SMIM3: variants seen among roughly 807,000 people sequenced by gnomAD.
The protein encoded by SMIM3 is small integral membrane protein 3.
Under a neutral mutation model 2.1 loss-of-function variants are expected in SMIM3, and 4 were observed. The ratio of observed to expected loss-of-function variants is 1.89; its 90% CI spans 0.93 to 4.31. The LOEUF is 4.31. Among genes scored for constraint, SMIM3 ranks in the 30% most tolerant of loss-of-function variants. SMIM3 has a pLI of 0.01. For missense variants in SMIM3, 79 were observed against 77.7 expected, an observed-to-expected ratio of 1.02 and a Z score of -0.06; for synonymous variants, 29 against 30.8, an observed-to-expected ratio of 0.94 and a Z score of 0.19.
chr5:150,782,924 C>T (rs1753251135), intron 1 of SMIM3, among the ~76,000 whole-genome samples: 1 of 152,176 alleles, frequency 6.6e-6, no homozygotes, highest in Non-Finnish European at 1.5e-5. Flanking sequence ...TCTCCCTGTG[C>T]TTGCGTTTGA....
At chr5:150,779,087 T>A (rs1753205174) in intron 1 of SMIM3, 115 bp downstream of exon 1, 4 of 437,220 alleles carry the variant, frequency 9.1e-6, no homozygotes, top group Admixed American at 7.9e-5. Flanking sequence ...TTCTTCTTTA[T>A]GTCCGGTCTC....
At chr5:150,794,745 A>AT (rs917916720) in intron 1 of SMIM3, among the ~76,000 whole-genome samples, 2 of 152,196 alleles carry the variant, frequency 1.3e-5, no homozygotes, top group Admixed American at 6.5e-5. Context: ...TGTCTTAGTC[A>AT]TTTTTTAACA....
At chr5:150,780,592 C>T (rs1581619917) in intron 1 of SMIM3, among the ~76,000 whole-genome samples, 3 of 152,002 alleles carry the variant, frequency 2.0e-5, no homozygotes, top group South Asian at 2.1e-4. Flanking sequence ...ACCACTGAGT[C>T]GCGGTGAGGT....
intron 1 of SMIM3, among the ~76,000 whole-genome samples, chr5:150,790,141 G>A (rs1753335302): frequency 1.3e-5 from 2 of 152,100 alleles, no homozygotes; most frequent in African/African-American, 4.8e-5. Flanking sequence ...AAGACCCCCT[G>A]GACCTCAGTT....
At chr5:150,794,861 T>C (rs1175148712) in intron 1 of SMIM3, among the ~76,000 whole-genome samples, 1 of 152,194 alleles carries the variant, frequency 6.6e-6, no homozygotes, top group Non-Finnish European at 1.5e-5. Flanking sequence ...CATAAGTTAC[T>C]GGGGATGGAA....
chr5:150,790,068 G>A (rs1316852868), intron 1 of SMIM3, among the ~76,000 whole-genome samples: 2 of 152,162 alleles, frequency 1.3e-5, no homozygotes, highest in Non-Finnish European at 1.5e-5. Context: ...TAGGGGCAGC[G>A]ACACGATCAG....
Position 150,786,518 on chromosome 5 carries a change from C to T in SMIM3, c.-12+7546C>T, listed in dbSNP as rs551606935. Among the ~76,000 whole-genome samples the T allele has an allele frequency of 2.8e-4, 43 of 152,294 alleles. No individual in the cohort carries two copies. The South Asian group carries it at 8.3e-3, about 29-fold the overall frequency. ...CTTAGGCTGATCTTGAATTCCTGAG[C>T]TCAAGTGATCCACCTGCCTTTCCCT... On this transcript the variant is annotated intron_variant, in intron 1 of 1. Transcript: ENST00000526627.
intron 1 of SMIM3, among the ~76,000 whole-genome samples, chr5:150,794,980 T>C (rs1467711763): frequency 6.6e-6 from 1 of 152,044 alleles, no homozygotes; most frequent in Admixed American, 6.6e-5. Flanking sequence ...CCAAAAACAA[T>C]GCATCTCTCA....
intron 1 of SMIM3, among the ~76,000 whole-genome samples, chr5:150,780,323 A>C: frequency 6.6e-6 from 1 of 152,188 alleles, no homozygotes; most frequent in East Asian, 1.9e-4. Context: ...GCCGCACAGC[A>C]GCCATCTAGA....
At chr5:150,782,771 A>G (rs531658510) in intron 1 of SMIM3, among the ~76,000 whole-genome samples, 48 of 152,232 alleles carry the variant, frequency 3.2e-4, no homozygotes, top group Non-Finnish European at 6.0e-4. Context: ...TCAGTCAATT[A>G]GGTTCCACGA....
chr5:150,793,225 T>C (rs1022373407), intron 1 of SMIM3, among the ~76,000 whole-genome samples: 5 of 152,128 alleles, frequency 3.3e-5, no homozygotes, highest in African/African-American at 1.2e-4. Flanking sequence ...AGAATAAGTA[T>C]TGTGAAAATA....
chr5:150,789,394 G>A (rs1561724378), intron 1 of SMIM3, among the ~76,000 whole-genome samples: 1 of 152,150 alleles, frequency 6.6e-6, no homozygotes. Context: ...AGGTGGAAGC[G>A]ACTGGAACCC....
At chr5:150,788,633 CAAAAAAAAA>C (rs765111003) in intron 1 of SMIM3, among the ~76,000 whole-genome samples, 2 of 80,022 alleles carry the variant, frequency 2.5e-5, no homozygotes, top group Non-Finnish European at 5.9e-5. Flanking sequence ...GACTGTGTCT[CAAAAAAAAA>C]AAAAAAAGAA....
chr5:150,796,428 C>A lies in SMIM3; in HGVS notation c.*805C>A, dbSNP rs893673984. 1 of 152,312 alleles carries A rather than the reference C, an allele frequency of 6.6e-6. No individual in the cohort carries two copies. Among genetic ancestry groups the A allele is most frequent in the South Asian group, 2.1e-4 (1 of 4,830 alleles). 9.4% of individuals were successfully genotyped at this position (152,312 alleles called of 1,614,324 possible). A position where few individuals can be genotyped will look rare whatever the true frequency, so the allele number is the denominator to read the frequency against. ...GCTGTAATTAGCTCCACGTGTACCCCCTTCACTCCCTCCCACCAGCTCTGC... is the reference window on the plus strand; with the variant it reads ...GCTGTAATTAGCTCCACGTGTACCCACTTCACTCCCTCCCACCAGCTCTGC... On this transcript the variant is annotated 3_prime_UTR_variant, in exon 2 of 2. Coordinates refer to ENST00000526627, the MANE Select transcript of SMIM3 (RefSeq NM_032947.5).
intron 1 of SMIM3, among the ~76,000 whole-genome samples, chr5:150,785,569 A>G (rs995925772): frequency 7.5e-6 from 1 of 133,208 alleles, no homozygotes; most frequent in African/African-American, 2.9e-5. Context: ...CAGATTTACT[A>G]TATTTCTTTT....
In SMIM3 at chr5:150,789,035, G is replaced by A. The variant is rs1379402962; in HGVS notation, c.-11-6395G>A. ...AAATAATGAGAGTTTAGACCTGATT[G>A]ATGTTTTACTTCCTATGGTTATAAA... On this transcript the variant is annotated intron_variant, in intron 1 of 1. Transcript: ENST00000526627. Among the ~76,000 whole-genome samples, 4 of 152,154 alleles carry A rather than the reference G, an allele frequency of 2.6e-5. No individual in the cohort carries two copies. In the East Asian group the frequency reaches 5.8e-4, roughly 22 times the overall value.
At chr5:150,779,368 TG>T (rs1161547091) in intron 1 of SMIM3, among the ~76,000 whole-genome samples, 2 of 152,274 alleles carry the variant, frequency 1.3e-5, no homozygotes, top group African/African-American at 4.8e-5. Flanking sequence ...CGCCCGGGCC[TG>T]AGCACCTGCT....
At chr5:150,785,170 C>T (rs1480325038) in intron 1 of SMIM3, among the ~76,000 whole-genome samples, 2 of 147,936 alleles carry the variant, frequency 1.4e-5, no homozygotes, top group African/African-American at 2.6e-5. Flanking sequence ...TCACTGCAAC[C>T]TCTGCCTCCC....
intron 1 of SMIM3, among the ~76,000 whole-genome samples, chr5:150,786,761 T>A (rs985467907): frequency 6.6e-6 from 1 of 152,208 alleles, no homozygotes; most frequent in African/African-American, 2.4e-5. Context: ...TTTTTTTCTA[T>A]TGTCTGTTGT....
Sources: allele counts gnomAD v4.1 joint callset (sites outside exome capture counted in the v4.1 genomes callset), GRCh38; gene constraint gnomAD v4.1.1; transcripts MANE v1.5; gene names NCBI Gene and HGNC (gene_info 2026-07-23, HGNC 2026-07-21).